SLC39A11: variants seen among roughly 807,000 people sequenced by gnomAD.
The protein encoded by SLC39A11 is zinc transporter ZIP11.
Under a neutral mutation model 36.1 loss-of-function variants are expected in SLC39A11, and 33 were observed. That is an observed-to-expected ratio of 0.91 (90% CI 0.69 to 1.22). SLC39A11 has a LOEUF of 1.22. Ranked by LOEUF, SLC39A11 falls within the 50% of genes most tolerant of loss-of-function variation. SLC39A11 has a pLI of 0.00. For missense variants in SLC39A11, 432 were observed against 430.3 expected (o/e 1.00, Z -0.03); for synonymous variants, 166 against 170.3 (o/e 0.97, Z 0.20).
At chr17:73,087,338 T>C (rs1183786879) in intron 2 of SLC39A11, among the ~76,000 whole-genome samples, 2 of 152,206 alleles carry the variant, frequency 1.3e-5, no homozygotes, top group African/African-American at 4.8e-5. Flanking sequence ...CCTGCTGTAC[T>C]GGTCTCTAAC....
intron 7 of SLC39A11, among the ~76,000 whole-genome samples, chr17:72,736,230 C>G (rs1478197145): frequency 3.3e-5 from 5 of 152,116 alleles, no homozygotes; most frequent in African/African-American, 1.2e-4. Flanking sequence ...AGCCCACCAC[C>G]AAAGGGCCTT....
intron 5 of SLC39A11, among the ~76,000 whole-genome samples, chr17:72,916,740 C>T (rs1246542078): frequency 6.6e-6 from 1 of 152,154 alleles, no homozygotes; most frequent in Non-Finnish European, 1.5e-5. Flanking sequence ...CATATATACC[C>T]TATTCCTCTT....
At chr17:72,919,681 A>C (rs796639440) in intron 5 of SLC39A11, among the ~76,000 whole-genome samples, 4 of 146,498 alleles carry the variant, frequency 2.7e-5, no homozygotes, top group Non-Finnish European at 5.9e-5. Context: ...AAAAAAAAAA[A>C]AAAAGAAAAA....
intron 5 of SLC39A11, among the ~76,000 whole-genome samples, chr17:72,933,101 A>G (rs960340849): frequency 6.6e-6 from 1 of 152,238 alleles, no homozygotes; most frequent in Non-Finnish European, 1.5e-5. Flanking sequence ...CAATCAGGTA[A>G]GAAAATGAAA....
At position 73,045,386 on chromosome 17, in the gene SLC39A11, T is replaced by TAAAAAAAAAAA; in HGVS notation, c.148-13683_148-13673dup. ...ACCTCCAGTGCCATGAAAACAGAGTTAAAAAAAAAAAAAAAAAAAAAAAAA... is the reference window on the plus strand; with the variant it reads ...ACCTCCAGTGCCATGAAAACAGAGTTAAAAAAAAAAAAAAAAAAAAAAAAAAAAAAAAAAAA... On this transcript the variant is annotated intron_variant, in intron 3 of 9. Transcript: ENST00000255559. Among the ~76,000 whole-genome samples, 2 of 41,704 alleles carry TAAAAAAAAAAA rather than the reference T, an allele frequency of 4.8e-5. 1 individual carries two copies. Among genetic ancestry groups the TAAAAAAAAAAA allele is most frequent in the Non-Finnish European group, 7.6e-5 (2 of 26,452 alleles). The allele number at this position is 41,704 out of a possible 152,430, so 27.4% of individuals were successfully genotyped here.
intron 3 of SLC39A11, among the ~76,000 whole-genome samples, chr17:73,064,633 T>TC (rs1374601344): frequency 6.6e-6 from 1 of 150,986 alleles, no homozygotes; most frequent in Non-Finnish European, 1.5e-5. Flanking sequence ...AGAGAGGAGG[T>TC]CCCCCCTCTA....
intron 4 of SLC39A11, among the ~76,000 whole-genome samples, chr17:72,996,499 CCTT>C (rs1163716935): frequency 6.6e-6 from 1 of 152,126 alleles, no homozygotes; most frequent in East Asian, 1.9e-4. Flanking sequence ...AAGGAAGAAT[CCTT>C]CTTGCATCTT....
intron 5 of SLC39A11, among the ~76,000 whole-genome samples, chr17:72,905,042 G>A (rs898242314): frequency 3.3e-5 from 5 of 151,648 alleles, no homozygotes; most frequent in Admixed American, 1.3e-4. Context: ...GCGAGGTGGC[G>A]GGCACCTGTA....
intron 5 of SLC39A11, among the ~76,000 whole-genome samples, chr17:72,908,480 C>T (rs542535347): frequency 1.2e-4 from 18 of 152,316 alleles, no homozygotes; most frequent in Non-Finnish European, 1.9e-4. Context: ...ATGTGACTTG[C>T]GACAGGACAC....
At chr17:72,704,220 T>G (rs190620607) in intron 7 of SLC39A11, among the ~76,000 whole-genome samples, 2 of 152,374 alleles carry the variant, frequency 1.3e-5, no homozygotes, top group Admixed American at 1.3e-4. Flanking sequence ...TGCTAGTTCA[T>G]GTAATCTTCT....
rs142358308 is a variant in SLC39A11 at position 72,985,843 on chromosome 17, G to T, written c.307-37968C>A. On this transcript the variant is annotated intron_variant, in intron 4 of 9. Transcript: ENST00000255559. ...TAAATGTGACCTTTTTTGCAAACAG[G>T]GTCTTTGTAAATGATCGAGGTAAGA... is the stretch of plus-strand genomic sequence containing the variant. Among the ~76,000 whole-genome samples the T allele has an allele frequency of 5.3e-5, 8 of 152,196 alleles. No individual in the cohort carries two copies. The East Asian group carries it at 1.5e-3, about 29-fold the overall frequency.
chr17:72,958,834 G>A (rs368716786), intron 4 of SLC39A11, among the ~76,000 whole-genome samples: 6 of 149,610 alleles, frequency 4.0e-5, no homozygotes, highest in Admixed American at 2.0e-4. Context: ...CTGGGCGACA[G>A]AGCGAGACTC....
At chr17:72,762,440 C>A (rs1488217232) in intron 6 of SLC39A11, among the ~76,000 whole-genome samples, 1 of 152,174 alleles carries the variant, frequency 6.6e-6, no homozygotes, top group Non-Finnish European at 1.5e-5. Context: ...GTCTAAAAAG[C>A]AGAGGAACCC....
At chr17:72,923,794 G>A (rs1420480419) in intron 5 of SLC39A11, among the ~76,000 whole-genome samples, 2 of 152,022 alleles carry the variant, frequency 1.3e-5, no homozygotes, top group Non-Finnish European at 2.9e-5. Flanking sequence ...AAGAAAATTA[G>A]GAAATTTGGG....
At chr17:72,745,183 G>A (rs2074882980) in intron 6 of SLC39A11, among the ~76,000 whole-genome samples, 1 of 152,224 alleles carries the variant, frequency 6.6e-6, no homozygotes, top group Non-Finnish European at 1.5e-5. Flanking sequence ...CACAGCACCT[G>A]ACATTTATGG....
intron 7 of SLC39A11, among the ~76,000 whole-genome samples, chr17:72,730,957 G>T (rs958066108): frequency 1.3e-5 from 2 of 152,192 alleles, no homozygotes; most frequent in African/African-American, 4.8e-5. Flanking sequence ...TCACCATGTT[G>T]GTTGGGCTGG....
intron 7 of SLC39A11, among the ~76,000 whole-genome samples, chr17:72,657,482 C>G (rs2070186091): frequency 6.6e-6 from 1 of 152,226 alleles, no homozygotes; most frequent in African/African-American, 2.4e-5. Context: ...ACTGCCCTGA[C>G]TTTGGGCAGG....
intron 7 of SLC39A11, among the ~76,000 whole-genome samples, chr17:72,694,042 G>A (rs1307958191): frequency 6.6e-6 from 1 of 152,168 alleles, no homozygotes; most frequent in Non-Finnish European, 1.5e-5. Context: ...GCTCAGTCTG[G>A]GGCTGGACTG....
At chr17:72,864,186 G>A (rs574202239) in intron 5 of SLC39A11, among the ~76,000 whole-genome samples, 1 of 152,272 alleles carries the variant, frequency 6.6e-6, no homozygotes, top group African/African-American at 2.4e-5. Flanking sequence ...GAATTACCTG[G>A]AGATTTAAAA....
Sources: gnomAD v4.1 joint callset for allele counts (sites outside exome capture counted in the v4.1 genomes callset) on GRCh38, gnomAD v4.1.1 for gene constraint, MANE v1.5 for transcripts, NCBI Gene and HGNC (gene_info 2026-07-23, HGNC 2026-07-21) for gene names.